Variants in SPPL3 observed in about 807,000 individuals in gnomAD.
The protein encoded by SPPL3 is signal peptide peptidase like 3.
Under a neutral mutation model 42.4 loss-of-function variants are expected in SPPL3, and 5 were observed. That is an observed-to-expected ratio of 0.12 (90% CI 0.06 to 0.25). SPPL3 has a LOEUF of 0.25. SPPL3 is among the 10% of genes least tolerant of loss of function. The pLI is 1.00. For synonymous variants in SPPL3, 195 were observed against 181.8 expected (o/e 1.07, Z -0.58); for missense variants, 235 against 489.0 (o/e 0.48, Z 4.90).
chr12:120,784,674 A>C, intron 3 of SPPL3, 81 bp from the exon 4 acceptor site: 1 of 1,110,044 alleles, frequency 9.0e-7, no homozygotes, highest in Non-Finnish European at 1.3e-6. Context: ...ATTAACTTGC[A>C]AAAATGCAGA....
intron 1 of SPPL3, among the ~76,000 whole-genome samples, chr12:120,828,841 C>T (rs1566053741): frequency 2.0e-5 from 3 of 152,258 alleles, no homozygotes. Flanking sequence ...ACTACAGCTT[C>T]GAACTCCTGG....
At chr12:120,792,924 T>TA (rs1292994955) in intron 2 of SPPL3, among the ~76,000 whole-genome samples, 8 of 151,868 alleles carry the variant, frequency 5.3e-5, no homozygotes, top group African/African-American at 1.7e-4. Context: ...GATATGATGC[T>TA]AAAAAACAGA....
chr12:120,886,139 G>A (rs561516744), intron 1 of SPPL3, among the ~76,000 whole-genome samples: 177 of 150,052 alleles, frequency 1.2e-3, no homozygotes, highest in African/African-American at 3.7e-3. Context: ...CACCACGCCC[G>A]GCCAAAAAAA....
intron 1 of SPPL3, among the ~76,000 whole-genome samples, chr12:120,854,020 ACACACG>A (rs1310661969): frequency 6.9e-6 from 1 of 144,314 alleles, no homozygotes; most frequent in African/African-American, 2.6e-5. Flanking sequence ...ACACACACAC[ACACACG>A]GGGAAAAAAA....
intron 2 of SPPL3, among the ~76,000 whole-genome samples, chr12:120,805,029 CTA>C (rs1870442681): frequency 6.6e-6 from 1 of 152,038 alleles, no homozygotes; most frequent in Admixed American, 6.6e-5. Context: ...ATAGGCAAAT[CTA>C]TAGAGATAAA....
chr12:120,823,233 C>T (rs886508552), intron 1 of SPPL3, among the ~76,000 whole-genome samples: 5 of 71,074 alleles, frequency 7.0e-5, no homozygotes, highest in African/African-American at 1.3e-4. Flanking sequence ...GGGGGGGCGG[C>T]GGCGGTGGCG....
chr12:120,788,616 C>T (rs1249888577), intron 3 of SPPL3, among the ~76,000 whole-genome samples: 3 of 152,276 alleles, frequency 2.0e-5, no homozygotes, highest in East Asian at 1.9e-4. Context: ...CCTTCACCCA[C>T]GTACCCCACC....
At chr12:120,895,322 G>A (rs961592547) in intron 1 of SPPL3, among the ~76,000 whole-genome samples, 6 of 151,882 alleles carry the variant, frequency 4.0e-5, no homozygotes, top group African/African-American at 1.5e-4. Flanking sequence ...AGCTACTTTG[G>A]AGGCTGAGGC....
chr12:120,842,819 G>C (rs1224755469), intron 1 of SPPL3, among the ~76,000 whole-genome samples: 1 of 152,062 alleles, frequency 6.6e-6, no homozygotes, highest in Non-Finnish European at 1.5e-5. Context: ...GGTGGGTGGA[G>C]GGAGGGGACA....
intron 1 of SPPL3, among the ~76,000 whole-genome samples, chr12:120,861,860 G>C (rs560558870): frequency 7.2e-5 from 11 of 152,262 alleles, no homozygotes; most frequent in African/African-American, 2.6e-4. Context: ...GGGAGTTAGG[G>C]GTAAGAGAGG....
intron 1 of SPPL3, among the ~76,000 whole-genome samples, chr12:120,833,877 C>T (rs1871522129): frequency 6.6e-6 from 1 of 151,564 alleles, no homozygotes; most frequent in Non-Finnish European, 1.5e-5. Context: ...CTGAAGTGGG[C>T]TCTAAATGCG....
intron 6 of SPPL3, among the ~76,000 whole-genome samples, chr12:120,774,762 C>T (rs1200716884): frequency 6.6e-6 from 1 of 151,986 alleles, no homozygotes; most frequent in Non-Finnish European, 1.5e-5. Context: ...AATCTTACCT[C>T]CTCCTCAGGG....
At chr12:120,766,142 A>C (rs1174719744) in intron 10 of SPPL3, 121 bp downstream of exon 10, 2 of 656,368 alleles carry the variant, frequency 3.0e-6, no homozygotes, top group South Asian at 1.9e-5. Flanking sequence ...ACACACACAC[A>C]GTCGAGATCA....
intron 1 of SPPL3, among the ~76,000 whole-genome samples, chr12:120,838,238 C>T (rs1235072521): frequency 6.6e-6 from 1 of 152,160 alleles, no homozygotes; most frequent in Non-Finnish European, 1.5e-5. Flanking sequence ...CAGATACAGG[C>T]TCGAGTGCAG....
chr12:120,766,485 G>T, intron 9 of SPPL3, 113 bp from the exon 10 acceptor site: 1 of 807,058 alleles, frequency 1.2e-6, no homozygotes, highest in Non-Finnish European at 1.8e-6. Flanking sequence ...TCCATTCTAT[G>T]GTTGGGGTGT....
At chr12:120,782,861 C>A in intron 5 of SPPL3, 94 bp from the exon 6 acceptor site, 1 of 870,290 alleles carries the variant, frequency 1.1e-6, no homozygotes, top group Non-Finnish European at 1.8e-6. Flanking sequence ...ATTAGAATAG[C>A]AGATAATACC....
chr12:120,872,753 C>T (rs1355127091), intron 1 of SPPL3, among the ~76,000 whole-genome samples: 4 of 152,118 alleles, frequency 2.6e-5, no homozygotes, highest in East Asian at 1.9e-4. Flanking sequence ...GAAAAAAGCA[C>T]GGGGCCTTAG....
intron 3 of SPPL3, among the ~76,000 whole-genome samples, chr12:120,786,479 T>C (rs891100344): frequency 5.9e-5 from 9 of 152,184 alleles, no homozygotes; most frequent in African/African-American, 2.2e-4. Context: ...ATTATACTGA[T>C]TCAAAGTATG....
chr12:120,786,226 C>A (rs1387440812), intron 3 of SPPL3, among the ~76,000 whole-genome samples: 1 of 152,152 alleles, frequency 6.6e-6, no homozygotes, highest in Non-Finnish European at 1.5e-5. Flanking sequence ...TCTGTCCTGA[C>A]CCTAGTCAAA....
Sources: gnomAD v4.1 joint callset for allele counts (sites outside exome capture counted in the v4.1 genomes callset) on GRCh38, gnomAD v4.1.1 for gene constraint, MANE v1.5 for transcripts, NCBI Gene and HGNC (gene_info 2026-07-23, HGNC 2026-07-21) for gene names.